AGBL4: variants seen among roughly 807,000 people sequenced by gnomAD.
AGBL4 encodes the protein AGBL carboxypeptidase 4.
Under a neutral mutation model 66.4 loss-of-function variants are expected in AGBL4, and 58 were observed. The observed-to-expected ratio is 0.87, with a 90% CI of 0.71 to 1.09. The LOEUF is 1.09. AGBL4 is among the 50% of genes least tolerant of loss of function. The pLI is 0.00. For missense variants in AGBL4, 579 were observed against 631.0 expected, an observed-to-expected ratio of 0.92 and a Z score of 0.88; for synonymous variants, 234 against 222.9, an observed-to-expected ratio of 1.05 and a Z score of -0.44.
intron 3 of AGBL4, among the ~76,000 whole-genome samples, chr1:49,375,863 C>G (rs1644462136): frequency 6.6e-6 from 1 of 152,112 alleles, no homozygotes; most frequent in Non-Finnish European, 1.5e-5. Context: ...CCTTTCTCGA[C>G]AGAGTCTGAC....
chr1:49,283,954 T>C (rs1644344097), intron 3 of AGBL4, among the ~76,000 whole-genome samples: 1 of 148,832 alleles, frequency 6.7e-6, no homozygotes, highest in African/African-American at 2.5e-5. Context: ...TGCAGGATAT[T>C]ATCCAGGAGA....
chr1:49,965,941 T>TG (rs1657521062), intron 1 of AGBL4, among the ~76,000 whole-genome samples: 1 of 139,380 alleles, frequency 7.2e-6, no homozygotes, highest in Admixed American at 7.0e-5. Context: ...TTACAATGAT[T>TG]TTTTTTTTTT....
chr1:49,168,583 G>A (rs1025726389), intron 4 of AGBL4, among the ~76,000 whole-genome samples: 14 of 152,172 alleles, frequency 9.2e-5, no homozygotes, highest in African/African-American at 2.9e-4. Context: ...TGCCTGTTCA[G>A]CTAGCTAGGC....
chr1:48,870,403 C>T (rs998919113), intron 5 of AGBL4, among the ~76,000 whole-genome samples: 5 of 152,052 alleles, frequency 3.3e-5, no homozygotes, highest in African/African-American at 1.2e-4. Context: ...CCTCTGTGTC[C>T]CCAGTTCCCA....
chr1:49,437,559 C>T (rs918816412), intron 3 of AGBL4, among the ~76,000 whole-genome samples: 1 of 152,098 alleles, frequency 6.6e-6, no homozygotes, highest in Admixed American at 6.6e-5. Flanking sequence ...CTTGTTTCTG[C>T]CTACTTTGGT....
At chr1:49,344,919 T>C (rs1645608741) in intron 3 of AGBL4, among the ~76,000 whole-genome samples, 2 of 152,200 alleles carry the variant, frequency 1.3e-5, no homozygotes, top group Admixed American at 6.5e-5. Flanking sequence ...TCAGAATCTT[T>C]GAGTTATCAT....
chr1:49,071,063 T>G (rs1644593768), intron 4 of AGBL4, among the ~76,000 whole-genome samples: 1 of 151,970 alleles, frequency 6.6e-6, no homozygotes, highest in African/African-American at 2.4e-5. Flanking sequence ...GACGGTAGTT[T>G]GTATTTCTGT....
chr1:48,710,808 G>A (rs538825611), intron 6 of AGBL4, among the ~76,000 whole-genome samples: 72 of 152,254 alleles, frequency 4.7e-4, no homozygotes, highest in African/African-American at 1.5e-3. Context: ...CCCCATTACA[G>A]ATTTTACAAC....
chr1:49,267,747 C>T (rs1643956856), intron 3 of AGBL4, among the ~76,000 whole-genome samples: 2 of 152,068 alleles, frequency 1.3e-5, no homozygotes, highest in African/African-American at 4.8e-5. Context: ...ACTCACAGTT[C>T]CACGTGGCTG....
chr1:48,860,371 A>G (rs1476009535), intron 6 of AGBL4, among the ~76,000 whole-genome samples: 2 of 152,240 alleles, frequency 1.3e-5, no homozygotes, highest in East Asian at 3.8e-4. Context: ...CACAAAGCTC[A>G]AATGTACAGA....
intron 3 of AGBL4, among the ~76,000 whole-genome samples, chr1:49,413,230 A>G (rs1287880405): frequency 6.6e-6 from 1 of 152,188 alleles, no homozygotes; most frequent in Non-Finnish European, 1.5e-5. Context: ...TAAGTAATCA[A>G]CACTTCATAT....
At chr1:49,254,959 T>C (rs1045413351) in intron 3 of AGBL4, among the ~76,000 whole-genome samples, 2 of 152,172 alleles carry the variant, frequency 1.3e-5, no homozygotes, top group Admixed American at 6.5e-5. Context: ...TGGCCAGCCA[T>C]ATGTAGAAGA....
At chr1:49,296,294 T>C (rs939284761) in intron 3 of AGBL4, among the ~76,000 whole-genome samples, 2 of 152,276 alleles carry the variant, frequency 1.3e-5, no homozygotes, top group South Asian at 4.1e-4. Context: ...ACAAAGCTTG[T>C]AGAGGTGGAA....
intron 5 of AGBL4, among the ~76,000 whole-genome samples, chr1:48,973,799 T>A (rs1363593423): frequency 6.6e-6 from 1 of 152,050 alleles, no homozygotes; most frequent in Admixed American, 6.6e-5. Flanking sequence ...GTATGCTGCA[T>A]CCTAGGAACT....
intron 4 of AGBL4, among the ~76,000 whole-genome samples, chr1:49,049,489 T>C (rs1403163874): frequency 2.6e-5 from 4 of 152,058 alleles, no homozygotes; most frequent in Non-Finnish European, 5.9e-5. Flanking sequence ...CTTCAAAGAG[T>C]AGGCTTCTTG....
chr1:48,946,599 G>T (rs1366532066), intron 5 of AGBL4, among the ~76,000 whole-genome samples: 1 of 152,170 alleles, frequency 6.6e-6, no homozygotes, highest in Non-Finnish European at 1.5e-5. Context: ...GCTTTGTAAT[G>T]AAAGGCAAAA....
At chr1:48,930,592 A>T (rs1389338763) in intron 5 of AGBL4, among the ~76,000 whole-genome samples, 1 of 152,180 alleles carries the variant, frequency 6.6e-6, no homozygotes, top group Non-Finnish European at 1.5e-5. Flanking sequence ...TTGCTCTATA[A>T]CCTTGGGCAG....
At chr1:48,812,109 G>T (rs1157812219) in intron 6 of AGBL4, among the ~76,000 whole-genome samples, 1 of 152,166 alleles carries the variant, frequency 6.6e-6, no homozygotes, top group Non-Finnish European at 1.5e-5. Context: ...CTGTTGTGTG[G>T]CTGGGATCTT....
chr1:49,098,256 A>G (rs1229595449), intron 4 of AGBL4, among the ~76,000 whole-genome samples: 1 of 152,248 alleles, frequency 6.6e-6, no homozygotes, highest in African/African-American at 2.4e-5. Context: ...CTGTAAAGAA[A>G]ATTGGAGTAC....
Sources: allele counts gnomAD v4.1 joint callset (sites outside exome capture counted in the v4.1 genomes callset), GRCh38; gene constraint gnomAD v4.1.1; transcripts MANE v1.5; gene names NCBI Gene and HGNC (gene_info 2026-07-23, HGNC 2026-07-21).